The following PHF20 variants were observed in gnomAD, a reference collection of about 807,000 sequenced individuals.
The protein encoded by PHF20 is PHD finger protein 20, also known as glioma-expressed antigen 2.
A neutral mutation model predicts 113.5 loss-of-function variants in PHF20; 23 were observed. The ratio of observed to expected loss-of-function variants is 0.20; its 90% CI spans 0.15 to 0.29. The LOEUF (loss-of-function observed/expected upper bound fraction) is 0.29, where lower values mean the gene tolerates loss of function less well. PHF20 is among the 10% of genes least tolerant of loss of function. The pLI is 1.00. For synonymous variants in PHF20, 434 were observed against 457.3 expected (o/e 0.95, Z 0.65); for missense variants, 943 against 1,219.6 (o/e 0.77, Z 3.38).
At chr20:35,789,441 A>G (rs1038216967) in intron 1 of PHF20, among the ~76,000 whole-genome samples, 1 of 151,848 alleles carries the variant, frequency 6.6e-6, no homozygotes, top group African/African-American at 2.4e-5. Context: ...AAAAAAAAAA[A>G]AAACAAAAGC....
chr20:35,793,301 CTTTTT>C (rs755495559), intron 1 of PHF20, among the ~76,000 whole-genome samples: 10 of 139,922 alleles, frequency 7.1e-5, no homozygotes, highest in African/African-American at 2.4e-4. Flanking sequence ...CTTTCTTTTT[CTTTTT>C]TTTTTTTTTT....
intron 16 of PHF20, among the ~76,000 whole-genome samples, chr20:35,940,453 G>C (rs981787056): frequency 2.6e-5 from 4 of 152,032 alleles, no homozygotes; most frequent in Admixed American, 2.6e-4. Flanking sequence ...CAGAGGCTCA[G>C]AGACATGAAG....
chr20:35,801,119 C>T (rs2041772474), intron 1 of PHF20, among the ~76,000 whole-genome samples: 1 of 152,184 alleles, frequency 6.6e-6, no homozygotes, highest in African/African-American at 2.4e-5. Flanking sequence ...GGAGCTGTGT[C>T]TCTTTTGGTC....
chr20:35,855,880 T>C (rs1239038369), intron 4 of PHF20, among the ~76,000 whole-genome samples: 1 of 152,114 alleles, frequency 6.6e-6, no homozygotes, highest in African/African-American at 2.4e-5. Context: ...GGTTTCACCA[T>C]GTTGGCCAGA....
intron 2 of PHF20, among the ~76,000 whole-genome samples, chr20:35,830,656 TC>T: frequency 6.6e-6 from 1 of 152,290 alleles, no homozygotes; most frequent in African/African-American, 2.4e-5. Flanking sequence ...TGCTTTTTTT[TC>T]TTTTTCACAT....
intron 9 of PHF20, among the ~76,000 whole-genome samples, chr20:35,896,740 G>A (rs2054992302): frequency 6.7e-6 from 1 of 148,324 alleles, no homozygotes; most frequent in Admixed American, 6.8e-5. Flanking sequence ...GGTGGAGGTT[G>A]CAGTGAGCCG....
intron 9 of PHF20, among the ~76,000 whole-genome samples, chr20:35,885,467 C>CTTTTTTT (rs577878410): frequency 5.2e-3 from 184 of 35,648 alleles, no homozygotes; most frequent in Non-Finnish European, 6.7e-3. Flanking sequence ...GGGGAATAAG[C>CTTTTTTT]TTTTTTTTTT....
chr20:35,839,879 A>AC (rs2146933451), intron 2 of PHF20, among the ~76,000 whole-genome samples: 1 of 152,292 alleles, frequency 6.6e-6, no homozygotes, highest in East Asian at 1.9e-4. Context: ...GAATTTAAAA[A>AC]CTGACAGAAT....
rs1200648524 is a variant in PHF20, at chr20:35,947,641, A to G, written c.*14A>G. On this transcript the variant is annotated 3_prime_UTR_variant, in exon 18 of 18. Transcript: ENST00000374012. ...TGCTCAACATGAAACTGGGCACCCAAAACTCATGGGGGCACAATCCTGGGG... is the reference window on the plus strand; with the variant it reads ...TGCTCAACATGAAACTGGGCACCCAGAACTCATGGGGGCACAATCCTGGGG... The G allele has an allele frequency of 6.2e-7, 1 of 1,611,514 alleles. No homozygotes were observed. The highest frequency in any genetic ancestry group is 1.7e-5 in the Admixed American group (1 of 59,980).
intron 1 of PHF20, among the ~76,000 whole-genome samples, chr20:35,793,520 G>A (rs2041600198): frequency 2.0e-5 from 3 of 149,702 alleles, no homozygotes; most frequent in East Asian, 2.0e-4. Flanking sequence ...GGCTGGTCTC[G>A]AACTCCTGAC....
intron 7 of PHF20, 112 bp downstream of exon 7, chr20:35,869,663 C>T: frequency 1.4e-6 from 1 of 711,242 alleles, no homozygotes; most frequent in Non-Finnish European, 2.5e-6. Flanking sequence ...TGTCTCTGGT[C>T]ACATGAGGTA....
intron 15 of PHF20, among the ~76,000 whole-genome samples, chr20:35,936,445 G>T (rs2055866446): frequency 6.6e-6 from 1 of 152,118 alleles, no homozygotes; most frequent in African/African-American, 2.4e-5. Context: ...TCATGTATAT[G>T]ACCACTTCCA....
At chr20:35,793,601 G>C (rs1242167889) in intron 1 of PHF20, among the ~76,000 whole-genome samples, 1 of 151,578 alleles carries the variant, frequency 6.6e-6, no homozygotes, top group African/African-American at 2.4e-5. Context: ...TGCCTGTCTT[G>C]AGAGTCCTTT....
intron 3 of PHF20, among the ~76,000 whole-genome samples, chr20:35,844,535 C>T (rs1250226614): frequency 8.1e-6 from 1 of 123,924 alleles, no homozygotes; most frequent in African/African-American, 3.0e-5. Context: ...CATTTTTCTT[C>T]ACCATCACCA....
intron 2 of PHF20, among the ~76,000 whole-genome samples, chr20:35,834,026 C>G (rs2042397383): frequency 1.3e-5 from 2 of 151,868 alleles, no homozygotes; most frequent in South Asian, 4.2e-4. Context: ...CCACTGTACT[C>G]CAGCCTGGGC....
chr20:35,901,194 C>T (rs1049388574), intron 10 of PHF20, among the ~76,000 whole-genome samples: 1 of 151,950 alleles, frequency 6.6e-6, no homozygotes, highest in Non-Finnish European at 1.5e-5. Context: ...GGAGGTGGAT[C>T]GCCTGAGGTC....
At chr20:35,828,087 G>C (rs2042295552) in intron 2 of PHF20, among the ~76,000 whole-genome samples, 1 of 152,132 alleles carries the variant, frequency 6.6e-6, no homozygotes, top group African/African-American at 2.4e-5. Context: ...GCAATGGCAT[G>C]ATCTCGGCCC....
In PHF20 at chr20:35,834,909, T is replaced by G. The variant is rs1000783042; in HGVS notation, c.84-7664T>G. On this transcript the variant is annotated intron_variant, in intron 2 of 17. Coordinates refer to ENST00000374012, the MANE Select transcript of PHF20 (RefSeq NM_016436.5). ...AACTCTTTCTTCTGAGGAAAACTATTGATTTTTGAACATTTAAGTTGTACC... is the reference window on the plus strand; with the variant it reads ...AACTCTTTCTTCTGAGGAAAACTATGGATTTTTGAACATTTAAGTTGTACC... Among the ~76,000 whole-genome samples, 27 of 152,338 alleles carry G rather than the reference T, an allele frequency of 1.8e-4. 1 individual carries two copies. Among genetic ancestry groups the G allele is most frequent in the African/African-American group, 6.5e-4 (27 of 41,574 alleles).
intron 2 of PHF20, among the ~76,000 whole-genome samples, chr20:35,802,535 T>C (rs570899165): frequency 6.6e-6 from 1 of 152,224 alleles, no homozygotes; most frequent in East Asian, 1.9e-4. Flanking sequence ...TTAACCCTTT[T>C]TGAGATTCTT....
Sources: gnomAD v4.1 joint callset for allele counts (sites outside exome capture counted in the v4.1 genomes callset) on GRCh38, gnomAD v4.1.1 for gene constraint, MANE v1.5 for transcripts, NCBI Gene and HGNC (gene_info 2026-07-23, HGNC 2026-07-21) for gene names.